The following COL23A1 variants were observed in gnomAD, a reference collection of about 807,000 sequenced individuals.
COL23A1 encodes collagen type XXIII alpha 1 chain, also known as collagen alpha-1(XXIII) chain.
In COL23A1, 97 loss-of-function variants were observed where a neutral mutation model predicts 99.3. The ratio of observed to expected loss-of-function variants is 0.98; its 90% CI spans 0.83 to 1.16. COL23A1 has a LOEUF of 1.16. COL23A1 is among the 50% of genes most tolerant of loss of function. The pLI is 0.00. For missense variants in COL23A1, 762 were observed against 757.4 expected (o/e 1.01, Z -0.07); for synonymous variants, 320 against 308.2 (o/e 1.04, Z -0.40).
chr5:178,252,846 G>C (rs1765107767), intron 16 of COL23A1, among the ~76,000 whole-genome samples: 1 of 152,214 alleles, frequency 6.6e-6, no homozygotes, highest in African/African-American at 2.4e-5. Flanking sequence ...TGCTGCCATG[G>C]ACGGCCCTCT....
chr5:178,576,304 T>C (rs6893972), intron 1 of COL23A1, among the ~76,000 whole-genome samples: 27,373 of 152,158 alleles, frequency 0.18, 3,949 homozygotes, highest in East Asian at 0.39. Context: ...AGTGGCATGA[T>C]GTTAGCTCAC....
At chr5:178,504,412 G>C (rs1054636864) in intron 2 of COL23A1, among the ~76,000 whole-genome samples, 2 of 152,180 alleles carry the variant, frequency 1.3e-5, no homozygotes, top group African/African-American at 4.8e-5. Flanking sequence ...TGGTGGGGCG[G>C]ACCCTGGGAG....
At chr5:178,422,368 G>A (rs907706611) in intron 2 of COL23A1, among the ~76,000 whole-genome samples, 2 of 152,172 alleles carry the variant, frequency 1.3e-5, no homozygotes, top group African/African-American at 2.4e-5. Context: ...TCTGCTTAAC[G>A]TTAGACACGA....
chr5:178,488,304 C>G (rs1757741513), intron 2 of COL23A1, among the ~76,000 whole-genome samples: 1 of 152,200 alleles, frequency 6.6e-6, no homozygotes, highest in Non-Finnish European at 1.5e-5. Flanking sequence ...GCCCTCTCCC[C>G]TGTCACCTGC....
At chr5:178,422,685 G>T (rs1180788025) in intron 2 of COL23A1, among the ~76,000 whole-genome samples, 3 of 152,128 alleles carry the variant, frequency 2.0e-5, no homozygotes, top group Non-Finnish European at 4.4e-5. Context: ...TCTGGAAGAT[G>T]CAGGGAATAA....
chr5:178,420,885 G>C (rs1185987012), intron 2 of COL23A1, among the ~76,000 whole-genome samples: 1 of 151,600 alleles, frequency 6.6e-6, no homozygotes, highest in Non-Finnish European at 1.5e-5. Context: ...TTTATTTGTA[G>C]AACCTGAAAC....
intron 2 of COL23A1, among the ~76,000 whole-genome samples, chr5:178,425,780 T>C (rs1765896599): frequency 6.6e-6 from 1 of 152,266 alleles, no homozygotes; most frequent in African/African-American, 2.4e-5. Flanking sequence ...TCTTGCTATC[T>C]GCTCTCGGCT....
At chr5:178,352,627 C>T (rs1233119845) in intron 2 of COL23A1, among the ~76,000 whole-genome samples, 1 of 152,226 alleles carries the variant, frequency 6.6e-6, no homozygotes, top group East Asian at 1.9e-4. Context: ...GAATGCTGCA[C>T]CCAGCTAAGA....
At chr5:178,341,119 C>T (rs1039043474) in intron 2 of COL23A1, among the ~76,000 whole-genome samples, 2 of 152,226 alleles carry the variant, frequency 1.3e-5, no homozygotes, top group African/African-American at 4.8e-5. Context: ...GTGCCTGCCC[C>T]ACTAGGTCTT....
intron 2 of COL23A1, among the ~76,000 whole-genome samples, chr5:178,317,158 T>C (rs1426670890): frequency 6.6e-6 from 1 of 152,234 alleles, no homozygotes; most frequent in Non-Finnish European, 1.5e-5. Flanking sequence ...GAGTTTGTGA[T>C]ATTCTCTCTG....
chr5:178,516,124 C>G (rs1759495362), intron 2 of COL23A1, among the ~76,000 whole-genome samples: 1 of 152,216 alleles, frequency 6.6e-6, no homozygotes, highest in Non-Finnish European at 1.5e-5. Context: ...CTGCCCCGTC[C>G]TCGTCCTCAT....
At chr5:178,481,566 T>C (rs10061375) in intron 2 of COL23A1, among the ~76,000 whole-genome samples, 1,987 of 152,198 alleles carry the variant, frequency 0.013, 53 homozygotes, top group African/African-American at 0.045. Context: ...GCAAAGAGCT[T>C]AAATAGACAT....
At chr5:178,248,630 C>T (rs1403271381) in intron 19 of COL23A1, among the ~76,000 whole-genome samples, 1 of 152,084 alleles carries the variant, frequency 6.6e-6, no homozygotes, top group Non-Finnish European at 1.5e-5. Flanking sequence ...ACAAAAGCAA[C>T]GAAAATCATG....
intron 2 of COL23A1, among the ~76,000 whole-genome samples, chr5:178,470,849 G>T (rs1310108126): frequency 2.0e-5 from 3 of 152,222 alleles, no homozygotes; most frequent in Non-Finnish European, 4.4e-5. Flanking sequence ...TGAGAGCTGC[G>T]CTGGAGAAGC....
At chr5:178,361,027 T>C (rs570310359) in intron 2 of COL23A1, among the ~76,000 whole-genome samples, 152 of 152,316 alleles carry the variant, frequency 1.0e-3, no homozygotes, top group African/African-American at 3.6e-3. Context: ...TCTGGCCACA[T>C]CCTTGCTACA....
At chr5:178,254,756 C>T (rs1477365200) in intron 16 of COL23A1, among the ~76,000 whole-genome samples, 193 bp downstream of exon 16, 7 of 152,194 alleles carry the variant, frequency 4.6e-5, no homozygotes, top group Non-Finnish European at 1.0e-4. Context: ...GCCACATTCA[C>T]AGGGGCTCTC....
At chr5:178,541,669 A>G (rs1415510622) in intron 2 of COL23A1, among the ~76,000 whole-genome samples, 3 of 152,212 alleles carry the variant, frequency 2.0e-5, no homozygotes, top group Non-Finnish European at 4.4e-5. Context: ...ATGCATACGT[A>G]TGTTCACTGA....
chr5:178,412,399 A>T (rs968757190), intron 2 of COL23A1, among the ~76,000 whole-genome samples: 11 of 152,302 alleles, frequency 7.2e-5, no homozygotes, highest in Admixed American at 5.9e-4. Context: ...TTCATTTTAC[A>T]TTTTTCCATC....
intron 2 of COL23A1, among the ~76,000 whole-genome samples, chr5:178,445,919 A>G (rs1480718185): frequency 6.6e-6 from 1 of 152,152 alleles, no homozygotes; most frequent in African/African-American, 2.4e-5. Flanking sequence ...ATGTGTAAAA[A>G]TCTTTTCCTT....
Sources: allele counts gnomAD v4.1 joint callset (sites outside exome capture counted in the v4.1 genomes callset), GRCh38; gene constraint gnomAD v4.1.1; transcripts MANE v1.5; gene names NCBI Gene and HGNC (gene_info 2026-07-23, HGNC 2026-07-21).